DPP10: variants seen among roughly 807,000 people sequenced by gnomAD.
DPP10 encodes the protein dipeptidyl peptidase like 10.
A neutral mutation model predicts 120.9 loss-of-function variants in DPP10; 33 were observed. The ratio of observed to expected loss-of-function variants is 0.27; its 90% CI spans 0.21 to 0.37. The LOEUF (loss-of-function observed/expected upper bound fraction) is 0.37. Ranked by LOEUF, DPP10 falls within the 10% of genes least tolerant of loss-of-function variation. The probability of loss-of-function intolerance (pLI) is 1.00; values close to 1 mark genes in which losing one functional copy is unlikely to be tolerated. For missense variants in DPP10, 816 were observed against 942.8 expected (o/e 0.87, Z 1.76); for synonymous variants, 337 against 326.1 (o/e 1.03, Z -0.36).
chr2:115,141,107 A>G (rs1004133645), intron 1 of DPP10, among the ~76,000 whole-genome samples: 30 of 152,180 alleles, frequency 2.0e-4, no homozygotes, highest in African/African-American at 6.8e-4. Context: ...TAAGGTTTGG[A>G]AAAATACTTA....
chr2:115,304,336 G>T (rs1056463810), intron 1 of DPP10, among the ~76,000 whole-genome samples: 2 of 152,002 alleles, frequency 1.3e-5, no homozygotes, highest in Non-Finnish European at 2.9e-5. Flanking sequence ...TGAGTGATTG[G>T]TGTGATTGGG....
intron 1 of DPP10, among the ~76,000 whole-genome samples, chr2:115,268,711 A>C (rs1314739578): frequency 2.0e-5 from 3 of 152,192 alleles, no homozygotes; most frequent in Admixed American, 2.0e-4. Context: ...TGCTATGGAT[A>C]TTTAAAATTT....
At chr2:115,030,259 G>T (rs1703747779) in intron 1 of DPP10, among the ~76,000 whole-genome samples, 1 of 151,612 alleles carries the variant, frequency 6.6e-6, no homozygotes. Flanking sequence ...ATTTTATTTG[G>T]TTTCTTACTT....
At chr2:115,333,149 G>A (rs936211571) in intron 2 of DPP10, among the ~76,000 whole-genome samples, 7 of 152,084 alleles carry the variant, frequency 4.6e-5, no homozygotes, top group African/African-American at 1.7e-4. Context: ...AGCTTTTCTT[G>A]TTGAATTGAT....
chr2:115,568,054 T>C (rs957747782), intron 5 of DPP10, among the ~76,000 whole-genome samples: 1 of 152,134 alleles, frequency 6.6e-6, no homozygotes, highest in Non-Finnish European at 1.5e-5. Flanking sequence ...GGCGCAAGCC[T>C]GTAATCCCAG....
chr2:114,850,617 T>C (rs959684519), intron 1 of DPP10, among the ~76,000 whole-genome samples: 5 of 152,006 alleles, frequency 3.3e-5, no homozygotes, highest in African/African-American at 1.2e-4. Context: ...GCATGAGAAG[T>C]TGGGGGTTGG....
At chr2:115,802,270 A>G (rs183881893) in intron 19 of DPP10, among the ~76,000 whole-genome samples, 148,842 of 152,224 alleles carry the variant, frequency 0.98, 72,876 homozygotes, top group Middle Eastern at 1. Context: ...CTGTGGGATC[A>G]GTGGTGATAT....
chr2:115,034,204 T>A (rs958074851), intron 1 of DPP10, among the ~76,000 whole-genome samples: 5 of 152,098 alleles, frequency 3.3e-5, no homozygotes, highest in African/African-American at 1.2e-4. Flanking sequence ...CTGGCCAATA[T>A]CTTTCTCTAA....
intron 1 of DPP10, among the ~76,000 whole-genome samples, chr2:114,819,474 A>C (rs192707930): frequency 1.4e-4 from 22 of 152,326 alleles, no homozygotes; most frequent in Admixed American, 1.4e-3. Flanking sequence ...TATCATGAAA[A>C]ATAAAAATAA....
intron 5 of DPP10, among the ~76,000 whole-genome samples, chr2:115,598,203 T>G (rs1262985697): frequency 6.6e-6 from 1 of 151,962 alleles, no homozygotes; most frequent in Non-Finnish European, 1.5e-5. Flanking sequence ...TTTTAATATT[T>G]GAACATAATC....
chr2:114,972,214 G>A (rs1699447090), intron 1 of DPP10, among the ~76,000 whole-genome samples: 1 of 152,152 alleles, frequency 6.6e-6, no homozygotes, highest in South Asian at 2.1e-4. Flanking sequence ...AGTTTACATA[G>A]AAATGGTTGA....
chr2:115,104,201 G>A (rs1307813609), intron 1 of DPP10, among the ~76,000 whole-genome samples: 3 of 102,818 alleles, frequency 2.9e-5, no homozygotes, highest in Admixed American at 1.4e-4. Flanking sequence ...TTTTGTAAGA[G>A]ACAGGGTCTT....
intron 4 of DPP10, among the ~76,000 whole-genome samples, chr2:115,508,732 A>G (rs1046630367): frequency 7.2e-5 from 11 of 152,068 alleles, no homozygotes; most frequent in Non-Finnish European, 1.3e-4. Flanking sequence ...GCGAAACCCC[A>G]TCTCTACTAA....
intron 5 of DPP10, among the ~76,000 whole-genome samples, chr2:115,618,804 C>T (rs919805318): frequency 6.6e-6 from 1 of 151,970 alleles, no homozygotes; most frequent in African/African-American, 2.4e-5. Context: ...TCCGTGCCAT[C>T]GATAGCGGGA....
chr2:115,413,995 G>A (rs1006886433), intron 3 of DPP10, among the ~76,000 whole-genome samples: 5 of 152,030 alleles, frequency 3.3e-5, no homozygotes, highest in Non-Finnish European at 5.9e-5. Context: ...TCATGTATGT[G>A]TCTGATTCAG....
In DPP10 at chr2:114,501,933, CTT is replaced by C. The variant is rs34369425; in HGVS notation, c.60+59114_60+59115del. 7.8e-3 allele frequency among the ~76,000 whole-genome samples: 734 copies of C among 94,006 alleles called. 6 individuals carry two copies. The highest frequency in any genetic ancestry group is 0.039 in the East Asian group (116 of 2,976). The allele number at this position is 94,006 out of a possible 152,430, so 61.7% of individuals were successfully genotyped here. ...TGAGAAAAAACGAAGATTGATATTC[CTT>C]TTTTTTTTTTTTTTTTTTGAGACAG... On this transcript the variant is annotated intron_variant, in intron 1 of 25. Transcript: ENST00000410059.
intron 5 of DPP10, among the ~76,000 whole-genome samples, chr2:115,564,856 A>G (rs2080900334): frequency 6.6e-6 from 1 of 152,206 alleles, no homozygotes; most frequent in Non-Finnish European, 1.5e-5. Flanking sequence ...AATCAATAGT[A>G]TTAGTCAGTT....
intron 1 of DPP10, among the ~76,000 whole-genome samples, chr2:115,254,315 C>G (rs1013109154): frequency 6.6e-6 from 1 of 152,144 alleles, no homozygotes; most frequent in Admixed American, 6.5e-5. Flanking sequence ...CATGAAAACT[C>G]ACTCATTATG....
intron 5 of DPP10, among the ~76,000 whole-genome samples, chr2:115,620,602 G>A (rs555882515): frequency 2.6e-5 from 4 of 152,270 alleles, no homozygotes; most frequent in Admixed American, 6.5e-5. Context: ...GGACTGTCTA[G>A]AGAGTCACAC....
Sources: gnomAD v4.1 joint callset for allele counts (sites outside exome capture counted in the v4.1 genomes callset) on GRCh38, gnomAD v4.1.1 for gene constraint, MANE v1.5 for transcripts, NCBI Gene and HGNC (gene_info 2026-07-23, HGNC 2026-07-21) for gene names.